The following SCPEP1 variants were observed in gnomAD, a reference collection of about 807,000 sequenced individuals.
The protein encoded by SCPEP1 is serine carboxypeptidase 1.
SCPEP1 carries 51 observed loss-of-function variants against 63.8 expected under a neutral mutation model. That is an observed-to-expected ratio of 0.80 (90% CI 0.64 to 1.01). The LOEUF (loss-of-function observed/expected upper bound fraction) is 1.01, where lower values mean the gene tolerates loss of function less well. Among genes scored for constraint, SCPEP1 ranks in the 50% least tolerant of loss-of-function variants. The probability of loss-of-function intolerance (pLI) is 0.00; values close to 1 mark genes in which losing one functional copy is unlikely to be tolerated. For missense variants in SCPEP1, 499 were observed against 554.9 expected (o/e 0.90, Z 1.01); for synonymous variants, 204 against 207.8 (o/e 0.98, Z 0.16).
chr17:56,994,376 A>G (rs1220933765), intron 6 of SCPEP1, among the ~76,000 whole-genome samples: 2 of 152,218 alleles, frequency 1.3e-5, no homozygotes, highest in South Asian at 2.1e-4. Context: ...GTCAACTACT[A>G]TTCTCTTTGA....
At chr17:56,981,515 T>A (rs1456226111) in intron 2 of SCPEP1, among the ~76,000 whole-genome samples, 2 of 151,928 alleles carry the variant, frequency 1.3e-5, no homozygotes, top group African/African-American at 4.8e-5. Flanking sequence ...GAATACATAG[T>A]GATAGAAAGT....
intron 2 of SCPEP1, 102 bp downstream of exon 2, chr17:56,981,332 T>G: frequency 2.3e-6 from 3 of 1,283,794 alleles, no homozygotes; most frequent in Non-Finnish European, 3.3e-6. Flanking sequence ...AAGGGCGGAT[T>G]TGGTCCAGCA....
intron 5 of SCPEP1, among the ~76,000 whole-genome samples, chr17:56,988,967 GC>G (rs1911304901): frequency 6.6e-6 from 1 of 152,008 alleles, no homozygotes. Flanking sequence ...CAGGAGGACT[GC>G]TTGTGACCAG....
Position 57,000,847 on chromosome 17 carries a change from A to T in SCPEP1, c.995-8A>T, listed in dbSNP as rs1031335063. ...AGCTACTCCCTCTTTCTCCTTCCCC[A>T]TGTGCAGGCCAGGCTACCAACGTCT... On this transcript the variant is annotated splice_region_variant and splice_polypyrimidine_tract_variant and intron_variant, in intron 10 of 12. Transcript: ENST00000262288. The T allele has an allele frequency of 6.2e-7, 1 of 1,613,776 alleles. No individual in the cohort carries two copies. The highest frequency in any genetic ancestry group is 1.7e-5 in the Admixed American group (1 of 59,980).
rs1217404709 is a variant in SCPEP1 at position 56,978,192 on chromosome 17, G to A, written c.33G>A (p.Pro11=). MELALRRSPV[P]RWLLLLPLLL... is the part of the protein sequence containing the mutation. ...TGGCACTGCGGCGCTCTCCCGTCCC[G>A]CGGTGGTTGCTGCTGCTGCCGCTGC... The change falls in exon 1 of 13, where the codon CCG becomes CCA. Residue 11 remains proline (P), a synonymous_variant. Transcript: ENST00000262288. The A allele has an allele frequency of 7.7e-6, 12 of 1,567,550 alleles. No homozygotes were observed. The East Asian group carries it at 2.5e-4, about 33-fold the overall frequency.
intron 6 of SCPEP1, 103 bp downstream of exon 6, chr17:56,991,274 T>TG: frequency 1.1e-6 from 1 of 896,342 alleles, no homozygotes; most frequent in Non-Finnish European, 1.9e-6. Context: ...CAGGAGAATG[T>TG]TCTGGGCCCT....
chr17:56,978,648 A>G (rs1192191461), intron 1 of SCPEP1, among the ~76,000 whole-genome samples: 1 of 152,178 alleles, frequency 6.6e-6, no homozygotes, highest in Non-Finnish European at 1.5e-5. Flanking sequence ...CATTTCATTG[A>G]GATAAGGCCC....
At chr17:56,982,541 T>C (rs1159818506) in intron 2 of SCPEP1, among the ~76,000 whole-genome samples, 1 of 152,110 alleles carries the variant, frequency 6.6e-6, no homozygotes, top group Non-Finnish European at 1.5e-5. Context: ...TCACCTCCGG[T>C]GGCTGGAGAC....
chr17:57,000,831 C>T (rs1372655023), intron 10 of SCPEP1, 24 bp from the exon 11 acceptor site: 3 of 1,613,506 alleles, frequency 1.9e-6, no homozygotes, highest in South Asian at 2.2e-5. Flanking sequence ...AAGCTACTCC[C>T]TCTTTCTCCT....
At chr17:56,981,621 G>A (rs1598112992) in intron 2 of SCPEP1, among the ~76,000 whole-genome samples, 1 of 152,018 alleles carries the variant, frequency 6.6e-6, no homozygotes, top group South Asian at 2.1e-4. Context: ...TCGAGACCAG[G>A]CTGGCCGACA....
chr17:56,986,219 C>G (rs60095216), intron 3 of SCPEP1, among the ~76,000 whole-genome samples: 25,497 of 150,684 alleles, frequency 0.17, 2,392 homozygotes, highest in African/African-American at 0.24. Context: ...AAGCTTTCTG[C>G]TCTTTTTTTT....
intron 10 of SCPEP1, among the ~76,000 whole-genome samples, chr17:56,999,840 G>T (rs952181699): frequency 6.6e-6 from 1 of 152,182 alleles, no homozygotes; most frequent in Admixed American, 6.5e-5. Context: ...AAATTAGCTG[G>T]GTGAGGTGGC....
rs776182281 is a variant in SCPEP1 at position 56,998,383 on chromosome 17, A to G, written c.881-2A>G. ...ACTCACTATCTACCAGTTTGGTTTTAGTTTGTCTTTGTCAGCGCCACGTGA... is the reference window on the plus strand; with the variant it reads ...ACTCACTATCTACCAGTTTGGTTTTGGTTTGTCTTTGTCAGCGCCACGTGA... On this transcript the variant is annotated splice_acceptor_variant, in intron 9 of 12. Transcript: ENST00000262288. LOFTEE classifies it high-confidence loss of function. 1 of 1,605,150 alleles carries G rather than the reference A, an allele frequency of 6.2e-7. No homozygotes were observed. The highest frequency in any genetic ancestry group is 8.5e-7 in the Non-Finnish European group (1 of 1,174,010).
Position 56,997,150 on chromosome 17 carries a change from A to G in SCPEP1, c.880+95A>G, listed in dbSNP as rs1001703788. 9.7e-6 allele frequency: 7 copies of G among 724,942 alleles called. No homozygotes were observed. In the African/African-American group the frequency reaches 1.1e-4, roughly 11 times the overall value. The allele number at this position is 724,942 out of a possible 1,614,324, so 44.9% of individuals were successfully genotyped here. A position where few individuals can be genotyped will look rare whatever the true frequency, so the allele number is the denominator to read the frequency against. ...AAAAAAAAAAACTTTATTAACATAT[A>G]ATTTGCATACCATAAAATTAACTCA... is the stretch of plus-strand genomic sequence containing the variant. On this transcript the variant is annotated intron_variant, in intron 9 of 12. Coordinates refer to ENST00000262288, the MANE Select transcript of SCPEP1 (RefSeq NM_021626.3).
At chr17:56,986,221 C>CT (rs869281244) in intron 3 of SCPEP1, among the ~76,000 whole-genome samples, 4,772 of 142,082 alleles carry the variant, frequency 0.034, 105 homozygotes, top group Admixed American at 0.075. Context: ...GCTTTCTGCT[C>CT]TTTTTTTTTT....
At chr17:57,000,438 G>A (rs1212771789) in intron 10 of SCPEP1, among the ~76,000 whole-genome samples, 1 of 152,108 alleles carries the variant, frequency 6.6e-6, no homozygotes, top group African/African-American at 2.4e-5. Flanking sequence ...TTATTATAAG[G>A]TAGGCCTACC....
intron 3 of SCPEP1, among the ~76,000 whole-genome samples, chr17:56,986,619 C>G (rs1484267076): frequency 6.6e-6 from 1 of 151,792 alleles, no homozygotes; most frequent in Admixed American, 6.6e-5. Context: ...TATCTCGGCT[C>G]GCTGCAAGCT....
chr17:56,978,468 C>CGCCTAGATAGAA, intron 1 of SCPEP1, among the ~76,000 whole-genome samples: 1 of 151,162 alleles, frequency 6.6e-6, no homozygotes, highest in Non-Finnish European at 1.5e-5. Flanking sequence ...TTCTCTCCTA[C>CGCCTAGATAGAA]GCCTAGATAG....
At chr17:56,995,684 G>A in intron 8 of SCPEP1, 49 bp downstream of exon 8, 1 of 1,602,692 alleles carries the variant, frequency 6.2e-7, no homozygotes. Context: ...TTTTTCTGGT[G>A]GGTACAGGGC....
Sources: gnomAD v4.1 joint callset for allele counts (sites outside exome capture counted in the v4.1 genomes callset) on GRCh38, gnomAD v4.1.1 for gene constraint, MANE v1.5 for transcripts, NCBI Gene and HGNC (gene_info 2026-07-23, HGNC 2026-07-21) for gene names.